Variants in CREM observed in about 807,000 individuals in gnomAD.
CREM encodes the protein cAMP-responsive element modulator.
Under a neutral mutation model 37.3 loss-of-function variants are expected in CREM, and 13 were observed. The observed-to-expected ratio is 0.35, with a 90% CI of 0.23 to 0.55. The LOEUF (loss-of-function observed/expected upper bound fraction) is 0.55. CREM is among the 20% of genes least tolerant of loss of function. The probability of loss-of-function intolerance (pLI) is 0.88; values close to 1 mark genes in which losing one functional copy is unlikely to be tolerated. For synonymous variants in CREM, 124 were observed against 120.2 expected (o/e 1.03, Z -0.21); for missense variants, 296 against 362.3 (o/e 0.82, Z 1.49).
chr10:35,127,445 G>C (rs2088057280), intron 1 of CREM: 1 of 152,206 alleles, frequency 6.6e-6, no homozygotes, highest in Non-Finnish European at 1.5e-5. Context: ...CGCTTCGTGC[G>C]CTCAGCTGCC....
In CREM at chr10:35,179,269, G is replaced by A. The variant is rs371524058; in HGVS notation, c.402G>A (p.Gly134=). 277 of 1,613,910 alleles carry A rather than the reference G, an allele frequency of 1.7e-4. No homozygotes were observed. The highest frequency in any genetic ancestry group is 2.3e-4 in the Non-Finnish European group (266 of 1,179,968). Residue 134 remains glycine, a synonymous_variant, in exon 5 of 8, where the codon GGG becomes GGA. Transcript: ENST00000685392. The part of the protein sequence containing the change: ...VPTSIYQTST[G]QYIAIAQGGT... ...CTAGCATATATCAGACTAGCACGGGGCAATACAGTATGTATGCTGCAATTC... is the reference window on the plus strand; with the variant it reads ...CTAGCATATATCAGACTAGCACGGGACAATACAGTATGTATGCTGCAATTC...
intron 1 of CREM, among the ~76,000 whole-genome samples, chr10:35,130,391 A>G (rs1589148271): frequency 6.6e-6 from 1 of 152,150 alleles, no homozygotes; most frequent in East Asian, 1.9e-4. Context: ...ATAGGTTTTC[A>G]TTTTCTGATA....
chr10:35,158,397 G>T (rs755818898), intron 3 of CREM: 1 of 277,186 alleles, frequency 3.6e-6, no homozygotes. Flanking sequence ...CAGATGAACC[G>T]GGGGCTGAAG....
intron 6 of CREM, chr10:35,196,292 T>C (rs1286559343): frequency 1.8e-6 from 1 of 545,464 alleles, no homozygotes; most frequent in Non-Finnish European, 3.2e-6. Flanking sequence ...CAGCCTCTGG[T>C]ATTTAAATTT....
At chr10:35,160,610 A>G (rs1377167122) in intron 3 of CREM, among the ~76,000 whole-genome samples, 3 of 152,160 alleles carry the variant, frequency 2.0e-5, no homozygotes, top group Non-Finnish European at 4.4e-5. Context: ...AACATTGTAC[A>G]CTTAGGTTAC....
chr10:35,171,940 C>T (rs1411651455), intron 3 of CREM, among the ~76,000 whole-genome samples: 2 of 152,182 alleles, frequency 1.3e-5, no homozygotes, highest in Non-Finnish European at 2.9e-5. Context: ...AAAATCAAGT[C>T]ACTCTACCCT....
At chr10:35,175,804 A>G (rs368064158) in intron 3 of CREM, 435 of 1,612,692 alleles carry the variant, frequency 2.7e-4, no homozygotes, top group Non-Finnish European at 2.8e-4. Context: ...AGCAAAAACA[A>G]TAACAAAAAA....
chr10:35,190,894 C>T (rs1328312327), intron 6 of CREM, among the ~76,000 whole-genome samples: 1 of 152,008 alleles, frequency 6.6e-6, no homozygotes, highest in East Asian at 1.9e-4. Flanking sequence ...GATCTCCTGA[C>T]CTCATGATCC....
At chr10:35,160,553 C>T (rs529881939) in intron 3 of CREM, among the ~76,000 whole-genome samples, 2 of 152,320 alleles carry the variant, frequency 1.3e-5, no homozygotes, top group East Asian at 1.9e-4. Context: ...CACATGCCAC[C>T]ATGCCCAGCT....
intron 2 of CREM, among the ~76,000 whole-genome samples, chr10:35,141,804 T>A (rs905569094): frequency 1.3e-5 from 2 of 152,034 alleles, no homozygotes; most frequent in African/African-American, 4.8e-5. Flanking sequence ...CCCGAAGACA[T>A]GCCATGTTGA....
chr10:35,197,650 G>T (rs1157070663), intron 6 of CREM, among the ~76,000 whole-genome samples: 1 of 152,008 alleles, frequency 6.6e-6, no homozygotes, highest in Non-Finnish European at 1.5e-5. Flanking sequence ...GTAGAGACGG[G>T]GTTTCACCGT....
At chr10:35,146,786 A>G (rs1008821854) in intron 2 of CREM, among the ~76,000 whole-genome samples, 10 of 152,232 alleles carry the variant, frequency 6.6e-5, no homozygotes, top group Non-Finnish European at 1.3e-4. Context: ...AGGTTTGAGC[A>G]TGGAAGGATT....
At chr10:35,131,209 A>G (rs1193406247) in intron 1 of CREM, among the ~76,000 whole-genome samples, 1 of 152,242 alleles carries the variant, frequency 6.6e-6, no homozygotes, top group Non-Finnish European at 1.5e-5. Context: ...TAACCAGGCC[A>G]TTTAAATATC....
intron 5 of CREM, among the ~76,000 whole-genome samples, chr10:35,181,656 T>C (rs35512416): frequency 0.036 from 5,533 of 152,236 alleles, 141 homozygotes; most frequent in Non-Finnish European, 0.057. Flanking sequence ...TGAGGGTTGC[T>C]TGAGGCCAGG....
chr10:35,128,007 G>A (rs545629140), intron 1 of CREM, among the ~76,000 whole-genome samples: 2 of 152,148 alleles, frequency 1.3e-5, no homozygotes, highest in South Asian at 2.1e-4. Flanking sequence ...CACCACGCCT[G>A]CTAATTTTTG....
chr10:35,186,415 C>A (rs11010118), intron 5 of CREM, among the ~76,000 whole-genome samples: 1 of 151,858 alleles, frequency 6.6e-6, no homozygotes, highest in East Asian at 1.9e-4. Flanking sequence ...CTATTTGTTG[C>A]CATTAGCTGT....
At chr10:35,147,573 A>G (rs2092269744) in intron 2 of CREM, among the ~76,000 whole-genome samples, 2 of 152,196 alleles carry the variant, frequency 1.3e-5, no homozygotes, top group African/African-American at 2.4e-5. Flanking sequence ...CGACTTAGTG[A>G]TAACAAAGCA....
At chr10:35,186,995 ATAT>A in intron 5 of CREM, among the ~76,000 whole-genome samples, 1 of 86,486 alleles carries the variant, frequency 1.2e-5, no homozygotes, top group Non-Finnish European at 2.0e-5. Context: ...TATATATTAT[ATAT>A]TATATATAAT....
intron 3 of CREM, chr10:35,152,359 C>T (rs1416080093): frequency 1.3e-5 from 2 of 152,180 alleles, no homozygotes. Context: ...CTGTCAGGCC[C>T]CTGTTCTGCT....
Sources: gnomAD v4.1 joint callset for allele counts (sites outside exome capture counted in the v4.1 genomes callset) on GRCh38, gnomAD v4.1.1 for gene constraint, MANE v1.5 for transcripts, NCBI Gene and HGNC (gene_info 2026-07-23, HGNC 2026-07-21) for gene names.